SLC2A3: variants seen among roughly 807,000 people sequenced by gnomAD.
SLC2A3 encodes the protein solute carrier family 2 member 3.
Under a neutral mutation model 46.4 loss-of-function variants are expected in SLC2A3, and 21 were observed. That is an observed-to-expected ratio of 0.45 (90% CI 0.32 to 0.65). SLC2A3 has a LOEUF of 0.65. Ranked by LOEUF, SLC2A3 falls within the 30% of genes least tolerant of loss-of-function variation. SLC2A3 has a pLI of 0.04. For missense variants in SLC2A3, 499 were observed against 623.3 expected (o/e 0.80, Z 2.12); for synonymous variants, 213 against 239.4 (o/e 0.89, Z 1.02).
chr12:7,933,245 G>A, intron 2 of SLC2A3, 98 bp from the exon 3 acceptor site: 1 of 1,308,056 alleles, frequency 7.6e-7, no homozygotes, highest in South Asian at 1.3e-5. Context: ...AGAATCAAGG[G>A]AATAAATAGA....
chr12:7,926,863 ATT>A (rs1178080028), intron 6 of SLC2A3, among the ~76,000 whole-genome samples: 3 of 152,124 alleles, frequency 2.0e-5, no homozygotes, highest in Middle Eastern at 3.2e-3. Context: ...TTTAATATAT[ATT>A]AAATAAATTA....
At position 7,929,720 on chromosome 12, in the gene SLC2A3, C is replaced by A. The variant is rs761022229; in HGVS notation, c.825G>T (p.Val275=). The part of the protein sequence containing the change: ...SYRQPIIISI[V]LQLSQQLSGI... ...CAGAGAGCTGCTGAGAGAGCTGGAG[C>A]ACAATGGAAATGATGATGGGCTGTC... The change falls in exon 6 of 10, where the codon GTG becomes GTT. Residue 275 remains valine (V), a synonymous_variant. Transcript: ENST00000075120. The A allele has an allele frequency of 1.2e-6, 2 of 1,613,328 alleles. No homozygotes were observed. The highest frequency in any genetic ancestry group is 3.3e-5 in the Admixed American group (2 of 59,830).
At chr12:7,934,486 C>G (rs1004875920) in intron 1 of SLC2A3, among the ~76,000 whole-genome samples, 3 of 140,454 alleles carry the variant, frequency 2.1e-5, no homozygotes, top group Admixed American at 6.7e-5. Flanking sequence ...GTTCTGCTAT[C>G]CCTAACTCCC....
intron 7 of SLC2A3, 91 bp downstream of exon 7, chr12:7,925,753 C>T: frequency 9.9e-7 from 1 of 1,005,326 alleles, no homozygotes; most frequent in Non-Finnish European, 1.5e-6. Flanking sequence ...AAAAAGGTAA[C>T]TAAATGATGG....
chr12:7,932,013 T>G (rs1000928349), intron 3 of SLC2A3, among the ~76,000 whole-genome samples: 1 of 151,538 alleles, frequency 6.6e-6, no homozygotes, highest in Non-Finnish European at 1.5e-5. Flanking sequence ...TCCAAGCAGC[T>G]GGGATTGCAG....
chr12:7,934,583 G>A (rs1354003227), intron 1 of SLC2A3, among the ~76,000 whole-genome samples: 1 of 152,078 alleles, frequency 6.6e-6, no homozygotes, highest in Non-Finnish European at 1.5e-5. Flanking sequence ...GGGAGAACCG[G>A]TCATCTTCAC....
chr12:7,929,327 G>A (rs570976189), intron 6 of SLC2A3, among the ~76,000 whole-genome samples: 1 of 152,028 alleles, frequency 6.6e-6, no homozygotes, highest in African/African-American at 2.4e-5. Context: ...GCTAGCTTCC[G>A]TTGTGCCGCC....
rs753144293 is a variant in SLC2A3, at chr12:7,936,186, C to T, written c.-152G>A. 1 of 704,046 alleles carries T rather than the reference C, an allele frequency of 1.4e-6. No individual in the cohort carries two copies. The highest frequency in any genetic ancestry group is 1.5e-5 in the South Asian group (1 of 66,414). The allele number at this position is 704,046 out of a possible 1,614,324, so 43.6% of individuals were successfully genotyped here. ...CCAAAGTCTTACCATTACAGCATCT[C>T]TGGGTCTCGCTGGGATCATGACTAT... is the stretch of plus-strand genomic sequence containing the variant. On this transcript the variant is annotated 5_prime_UTR_variant, in exon 1 of 10. Transcript: ENST00000075120.
In SLC2A3 at chr12:7,925,861, T is replaced by TAGTATTAACCA; in HGVS notation, c.938_948dup (p.Ile317TrpfsTer8). 6.2e-7 allele frequency: 1 copy of TAGTATTAACCA among 1,612,648 alleles called. No homozygotes were observed. The highest frequency in any genetic ancestry group is 8.5e-7 in the Non-Finnish European group (1 of 1,178,930). On this transcript the variant is annotated frameshift_variant, in exon 7 of 10. Transcript: ENST00000075120. LOFTEE classifies it high-confidence loss of function. ...CAACTTACAGAAACTACAGTGAAGA[T>TAGTATTAACCA]AGTATTAACCACACCCGCGCCGATG...
chr12:7,925,453 T>C (rs940645107), intron 7 of SLC2A3: 4 of 166,568 alleles, frequency 2.4e-5, no homozygotes, highest in African/African-American at 7.2e-5. Context: ...GCAGGACACC[T>C]AGATGGTGTC....
At chr12:7,931,961 A>G (rs2121198415) in intron 3 of SLC2A3, among the ~76,000 whole-genome samples, 1 of 150,042 alleles carries the variant, frequency 6.7e-6, no homozygotes, top group South Asian at 2.1e-4. Context: ...GGCTCACTGC[A>G]ACCTGCGCCT....
chr12:7,930,564 G>A lies in SLC2A3; in HGVS notation c.589C>T (p.Leu197=), dbSNP rs200989118. ...CAAAATGGAAGGGCTGCACTTTGTA[G>A]GATAGCAGGAAGGATGGTAAAACCC... The part of the protein sequence containing the change: ...LLGFTILPAI[L]QSAALPFCPE... Residue 197 remains leucine (L), a synonymous_variant, in exon 5 of 10, where the codon CTA becomes TTA. Coordinates refer to ENST00000075120, the MANE Select transcript of SLC2A3 (RefSeq NM_006931.3). 1.2e-6 allele frequency: 2 copies of A among 1,613,900 alleles called. No homozygotes were observed. Among genetic ancestry groups the A allele is most frequent in the Non-Finnish European group, 1.7e-6 (2 of 1,179,916 alleles).
intron 4 of SLC2A3, 38 bp from the exon 5 acceptor site, chr12:7,930,680 C>A (rs780047022): frequency 7.6e-6 from 12 of 1,574,148 alleles, no homozygotes; most frequent in South Asian, 4.7e-5. Context: ...AAACCCCATA[C>A]TTCACAGGCC....
chr12:7,928,062 C>T (rs553090164), intron 6 of SLC2A3, among the ~76,000 whole-genome samples: 3 of 150,976 alleles, frequency 2.0e-5, no homozygotes, highest in East Asian at 2.0e-4. Context: ...GCTGAGATTG[C>T]GCCACAGCAC....
chr12:7,930,120 G>A (rs1946136488), intron 5 of SLC2A3: 5 of 726,524 alleles, frequency 6.9e-6, no homozygotes, highest in Non-Finnish European at 8.3e-6. Context: ...CAAGTAGCTG[G>A]GATTACAGGC....
At chr12:7,923,914 A>G (rs1239791588) in intron 8 of SLC2A3, among the ~76,000 whole-genome samples, 2 of 151,840 alleles carry the variant, frequency 1.3e-5, no homozygotes, top group African/African-American at 4.8e-5. Flanking sequence ...CATTAGAGGC[A>G]TGCACCACCA....
chr12:7,925,831 C>G lies in SLC2A3; in HGVS notation c.966+13G>C. The G allele has an allele frequency of 6.3e-7, 1 of 1,598,782 alleles. No homozygotes were observed. Among genetic ancestry groups the G allele is most frequent in the Non-Finnish European group, 8.6e-7 (1 of 1,166,514 alleles). On this transcript the variant is annotated intron_variant, in intron 7 of 9. Coordinates refer to ENST00000075120, the MANE Select transcript of SLC2A3 (RefSeq NM_006931.3). The stretch of plus-strand genomic sequence containing the variant: ...CTTTTCTCCCCTCAAAATTACCAAA[C>G]CATCCAACTTACAGAAACTACAGTG...
Position 7,919,475 on chromosome 12 carries a change from G to A in SLC2A3, c.*1938C>T, listed in dbSNP as rs1037441163. 5 of 151,776 alleles carry A rather than the reference G, an allele frequency of 3.3e-5. No individual in the cohort carries two copies. Among genetic ancestry groups the A allele is most frequent in the African/African-American group, 1.2e-4 (5 of 41,276 alleles). The allele number at this position is 151,776 out of a possible 1,614,324, so 9.4% of individuals were successfully genotyped here. On this transcript the variant is annotated 3_prime_UTR_variant, in exon 10 of 10. Coordinates refer to ENST00000075120, the MANE Select transcript of SLC2A3 (RefSeq NM_006931.3). The stretch of plus-strand genomic sequence containing the variant: ...CTCGCCCTGTGGCCCAGGCTAGAGT[G>A]CAATGATGCGATCTCCGCTCACTGC...
At chr12:7,934,358 T>C (rs1478785435) in intron 1 of SLC2A3, among the ~76,000 whole-genome samples, 3 of 152,014 alleles carry the variant, frequency 2.0e-5, no homozygotes, top group Non-Finnish European at 4.4e-5. Context: ...GAGGGGGTGG[T>C]AGTTTGTGTC....
Sources: allele counts gnomAD v4.1 joint callset (sites outside exome capture counted in the v4.1 genomes callset), GRCh38; gene constraint gnomAD v4.1.1; transcripts MANE v1.5; gene names NCBI Gene and HGNC (gene_info 2026-07-23, HGNC 2026-07-21).